The following CBL variants were observed in gnomAD, a reference collection of about 807,000 sequenced individuals.
The protein encoded by CBL is Cbl proto-oncogene.
Under a neutral mutation model 96.9 loss-of-function variants are expected in CBL, and 45 were observed. The ratio of observed to expected loss-of-function variants is 0.46; its 90% confidence interval spans 0.37 to 0.60. The LOEUF is 0.60. CBL is among the 20% of genes least tolerant of loss of function. The pLI is 0.00. For synonymous variants in CBL, 420 were observed against 426.8 expected (o/e 0.98, Z 0.20); for missense variants, 1,024 against 1,143.5 (o/e 0.90, Z 1.51).
rs755014204 is a variant in CBL at position 119,206,382 on chromosome 11, C to G, written c.-36C>G. 6.9e-7 allele frequency: 1 copy of G among 1,458,874 alleles called. No homozygotes were observed. The highest frequency in any genetic ancestry group is 9.1e-7 in the Non-Finnish European group (1 of 1,102,870). 90.4% of individuals were successfully genotyped at this position (1,458,874 alleles called of 1,614,324 possible). A position where few individuals can be genotyped will look rare whatever the true frequency, so the allele number is the denominator to read the frequency against. On this transcript the variant is annotated 5_prime_UTR_variant, in exon 1 of 16. Transcript: ENST00000264033. ...TCCCTCGCTCGCAGTCGAGCCGAGC[C>G]GGCGGACCCGCCTGGGCTCCGACCC...
intron 2 of CBL, among the ~76,000 whole-genome samples, chr11:119,254,816 G>C (rs1377728636): frequency 6.6e-6 from 1 of 152,068 alleles, no homozygotes; most frequent in Non-Finnish European, 1.5e-5. Context: ...TGGCCAGGCT[G>C]GTCTGAAACT....
chr11:119,287,702 C>T (rs1949994309), intron 11 of CBL, 150 bp from the exon 12 acceptor site: 1 of 684,658 alleles, frequency 1.5e-6, no homozygotes, highest in African/African-American at 1.8e-5. Flanking sequence ...CCTTAAGGCC[C>T]CTAAGCGTTT....
chr11:119,241,590 C>T (rs889565426), intron 2 of CBL, among the ~76,000 whole-genome samples: 1 of 152,104 alleles, frequency 6.6e-6, no homozygotes, highest in Non-Finnish European at 1.5e-5. Context: ...ATTTAACAAG[C>T]GAGACAAAAG....
chr11:119,284,053 T>C (rs900571519), intron 9 of CBL, among the ~76,000 whole-genome samples: 1 of 152,152 alleles, frequency 6.6e-6, no homozygotes, highest in Non-Finnish European at 1.5e-5. Flanking sequence ...GTTAAAATTT[T>C]TTAGAGGGAT....
At chr11:119,279,145 T>G (rs535671270) in intron 9 of CBL, among the ~76,000 whole-genome samples, 2 of 152,084 alleles carry the variant, frequency 1.3e-5, no homozygotes, top group East Asian at 3.9e-4. Flanking sequence ...CCTCTTTTGC[T>G]AATGCAACTA....
Position 119,276,121 on chromosome 11 carries a change from T to C in CBL, c.994T>C (p.Phe332Leu), listed in dbSNP as rs1190026677. 1 of 1,614,128 alleles carries C rather than the reference T, an allele frequency of 6.2e-7. No homozygotes were observed. Among genetic ancestry groups the C allele is most frequent in the East Asian group, 2.2e-5 (1 of 44,876 alleles). The change falls in exon 6 of 16, where the codon TTC becomes CTC. Residue 332 changes from phenylalanine (F) to leucine (L), a missense_variant. Phe to Leu is a conservative substitution (Grantham distance 22). Coordinates refer to ENST00000264033, the MANE Select transcript of CBL (RefSeq NM_005188.4). ...TCTCTTCCAAGCACTGATTGATGGC[T>C]TCAGGGAAGGCTTGTGAGTACCTAC... Reference protein sequence around the residue: ...KPLFQALIDGFREGFYLFPDG... With the variant: ...KPLFQALIDGLREGFYLFPDG...
intron 1 of CBL, among the ~76,000 whole-genome samples, chr11:119,217,638 T>C (rs563629934): frequency 3.3e-5 from 5 of 152,278 alleles, no homozygotes; most frequent in East Asian, 1.9e-4. Flanking sequence ...AGACTTGATA[T>C]AGGAAGGCTG....
chr11:119,230,644 G>A (rs923931714), intron 1 of CBL, among the ~76,000 whole-genome samples: 1 of 152,176 alleles, frequency 6.6e-6, no homozygotes, highest in African/African-American at 2.4e-5. Flanking sequence ...TTCATGTAAT[G>A]TGTAAGGGAT....
intron 2 of CBL, among the ~76,000 whole-genome samples, chr11:119,238,515 A>G (rs2135270635): frequency 6.6e-6 from 1 of 151,978 alleles, no homozygotes; most frequent in Non-Finnish European, 1.5e-5. Flanking sequence ...CGACCCCTAA[A>G]TACAATGTTT....
intron 6 of CBL, among the ~76,000 whole-genome samples, chr11:119,277,520 A>G (rs1374345599): frequency 1.3e-5 from 2 of 152,220 alleles, no homozygotes; most frequent in African/African-American, 4.8e-5. Context: ...AGCCTATGGC[A>G]TTGTTACCTG....
chr11:119,276,163 G>GACT, intron 6 of CBL, 29 bp downstream of exon 6: 1 of 1,613,370 alleles, frequency 6.2e-7, no homozygotes, highest in Non-Finnish European at 8.5e-7. Flanking sequence ...CCATCTGTTA[G>GACT]AGTCTGGGAA....
chr11:119,305,411 A>T lies in CBL; in HGVS notation c.*5630A>T, dbSNP rs552837628. 18 of 230,430 alleles carry T rather than the reference A, an allele frequency of 7.8e-5. No individual in the cohort carries two copies. The highest frequency in any genetic ancestry group is 1.5e-4 in the Non-Finnish European group (18 of 116,334). 14.3% of individuals were successfully genotyped at this position (230,430 alleles called of 1,614,324 possible). A position where few individuals can be genotyped will look rare whatever the true frequency, so the allele number is the denominator to read the frequency against. On this transcript the variant is annotated 3_prime_UTR_variant, in exon 16 of 16. Coordinates refer to ENST00000264033, the MANE Select transcript of CBL (RefSeq NM_005188.4). ...AGAATCTAATAACGGGTTCCACTGT[A>T]GCCACTATCCATGGACTTCTGGGTC... is the stretch of plus-strand genomic sequence containing the variant.
intron 12 of CBL, among the ~76,000 whole-genome samples, chr11:119,294,598 C>G (rs552176670): frequency 4.0e-5 from 6 of 151,854 alleles, no homozygotes; most frequent in Non-Finnish European, 7.4e-5. Flanking sequence ...CGAGACCATC[C>G]TGGCCAATAT....
At chr11:119,247,774 T>G (rs1199800421) in intron 2 of CBL, among the ~76,000 whole-genome samples, 1 of 152,210 alleles carries the variant, frequency 6.6e-6, no homozygotes, top group Non-Finnish European at 1.5e-5. Flanking sequence ...ATCATGCCAC[T>G]GCACTTCAAC....
chr11:119,235,443 A>G (rs2135268254), intron 2 of CBL, among the ~76,000 whole-genome samples: 1 of 152,330 alleles, frequency 6.6e-6, no homozygotes, highest in Non-Finnish European at 1.5e-5. Flanking sequence ...TAAGGAAGAT[A>G]AAACATTTAT....
intron 1 of CBL, among the ~76,000 whole-genome samples, chr11:119,227,024 G>A (rs1452387761): frequency 1.3e-5 from 2 of 152,120 alleles, no homozygotes; most frequent in African/African-American, 2.4e-5. Context: ...AAGTACAATG[G>A]TTTGATGGTA....
chr11:119,300,120 A>C lies in CBL; in HGVS notation c.*339A>C. The C allele has an allele frequency of 1.9e-6, 1 of 529,070 alleles. No individual in the cohort carries two copies. The highest frequency in any genetic ancestry group is 5.0e-4 in the Middle Eastern group (1 of 1,988). The allele number at this position is 529,070 out of a possible 1,614,324, so 32.8% of individuals were successfully genotyped here. On this transcript the variant is annotated 3_prime_UTR_variant, in exon 16 of 16. Coordinates refer to ENST00000264033, the MANE Select transcript of CBL (RefSeq NM_005188.4). Reference sequence around the variant, plus strand: ...TGGAAATCCTAATTGAGGACTTAAGACTTCCTGGGTTAAGGATGTGGCCGT... The same window carrying C: ...TGGAAATCCTAATTGAGGACTTAAGCCTTCCTGGGTTAAGGATGTGGCCGT...
intron 9 of CBL, among the ~76,000 whole-genome samples, chr11:119,282,498 C>T (rs990724818): frequency 3.9e-5 from 6 of 152,112 alleles, no homozygotes; most frequent in South Asian, 2.1e-4. Context: ...AAGAATGATA[C>T]GGAAGTCGAA....
At chr11:119,246,170 T>G (rs2135276375) in intron 2 of CBL, among the ~76,000 whole-genome samples, 1 of 151,950 alleles carries the variant, frequency 6.6e-6, no homozygotes, top group South Asian at 2.1e-4. Flanking sequence ...AGACAGGGTT[T>G]CACTATGTTG....
Sources: allele counts gnomAD v4.1 joint callset (sites outside exome capture counted in the v4.1 genomes callset), GRCh38; gene constraint gnomAD v4.1.1; transcripts MANE v1.5; gene names NCBI Gene and HGNC (gene_info 2026-07-23, HGNC 2026-07-21).